The following CDH12 variants were observed in gnomAD, a reference collection of about 807,000 sequenced individuals.
CDH12 encodes the protein cadherin-12.
CDH12 carries 41 observed loss-of-function variants against 74.1 expected under a neutral mutation model. The ratio of observed to expected loss-of-function variants is 0.55; its 90% CI spans 0.43 to 0.72. CDH12 has a LOEUF of 0.72. Ranked by LOEUF, CDH12 falls within the 30% of genes least tolerant of loss-of-function variation. The pLI is 0.00. For synonymous variants in CDH12, 399 were observed against 355.0 expected, an observed-to-expected ratio of 1.12 and a Z score of -1.39; for missense variants, 945 against 977.2, an observed-to-expected ratio of 0.97 and a Z score of 0.44.
At chr5:22,158,233 C>G (rs1223191133) in intron 4 of CDH12, among the ~76,000 whole-genome samples, 5 of 152,046 alleles carry the variant, frequency 3.3e-5, no homozygotes, top group African/African-American at 1.2e-4. Flanking sequence ...ACCCTGGCCT[C>G]AGTAGCCCAC....
intron 6 of CDH12, among the ~76,000 whole-genome samples, chr5:21,934,681 C>A (rs976002858): frequency 6.6e-6 from 1 of 152,184 alleles, no homozygotes; most frequent in African/African-American, 2.4e-5. Flanking sequence ...CATAAGGAAG[C>A]ACTAGAAACT....
intron 1 of CDH12, among the ~76,000 whole-genome samples, chr5:22,684,247 T>C (rs1293253484): frequency 6.6e-6 from 1 of 152,212 alleles, no homozygotes; most frequent in Non-Finnish European, 1.5e-5. Flanking sequence ...CAATGCACAG[T>C]TATCACATCA....
rs1449036124 is a variant in CDH12, at chr5:21,947,905, C to A, written c.526+27186G>T. On this transcript the variant is annotated intron_variant, in intron 6 of 14. Transcript: ENST00000382254. ...TGTGTCCCAGCTGCTGCTACTCCAGCTCCAGCCGTGGCTAAAAGGAGACAA... is the reference window on the plus strand; with the variant it reads ...TGTGTCCCAGCTGCTGCTACTCCAGATCCAGCCGTGGCTAAAAGGAGACAA... Among the ~76,000 whole-genome samples the A allele has an allele frequency of 2.6e-5, 4 of 152,336 alleles. No homozygotes were observed. The East Asian group carries it at 7.7e-4, about 29-fold the overall frequency.
chr5:22,203,828 C>T (rs938530396), intron 4 of CDH12, among the ~76,000 whole-genome samples: 2 of 152,158 alleles, frequency 1.3e-5, no homozygotes, highest in Non-Finnish European at 2.9e-5. Context: ...TTGTAATTTA[C>T]ATTACCCTGA....
chr5:22,253,887 T>C (rs1286189332), intron 3 of CDH12, among the ~76,000 whole-genome samples: 1 of 152,010 alleles, frequency 6.6e-6, no homozygotes, highest in African/African-American at 2.4e-5. Context: ...TATTTTAAAG[T>C]AGTTTAAAGT....
intron 3 of CDH12, among the ~76,000 whole-genome samples, chr5:22,275,962 G>T (rs1369119387): frequency 6.6e-6 from 1 of 152,050 alleles, no homozygotes; most frequent in Non-Finnish European, 1.5e-5. Context: ...GAAATATGGA[G>T]AACTATTAAA....
At chr5:22,438,802 T>C (rs1468406576) in intron 2 of CDH12, among the ~76,000 whole-genome samples, 1 of 151,920 alleles carries the variant, frequency 6.6e-6, no homozygotes, top group Non-Finnish European at 1.5e-5. Context: ...CTATAATACC[T>C]ACTTTGGTTT....
In CDH12 at chr5:21,817,088, C is replaced by T; in HGVS notation, c.859G>A (p.Ala287Thr). 6.2e-7 allele frequency: 1 copy of T among 1,612,320 alleles called. No homozygotes were observed. The change falls in exon 9 of 15, where the codon GCT (alanine) becomes ACT (threonine). Residue 287 changes from alanine to threonine, a missense_variant. By Grantham distance (58) the Ala-to-Thr change is moderately conservative. Transcript: ENST00000382254. ...KVPESSPIGS[A>T]IGRIRAVDPD... Reference sequence around the variant, plus strand: ...TCCACAGCTCTTATTCTTCCAATAGCTGAACCAATAGGGGAAGACTCAGGA... The same window carrying T: ...TCCACAGCTCTTATTCTTCCAATAGTTGAACCAATAGGGGAAGACTCAGGA...
chr5:22,455,149 A>G (rs1434717473), intron 2 of CDH12, among the ~76,000 whole-genome samples: 1 of 152,216 alleles, frequency 6.6e-6, no homozygotes. Context: ...TGTGAATGAA[A>G]CATTATTGGC....
chr5:21,838,948 T>C (rs1749689815), intron 8 of CDH12, among the ~76,000 whole-genome samples: 1 of 152,218 alleles, frequency 6.6e-6, no homozygotes, highest in Non-Finnish European at 1.5e-5. Flanking sequence ...ATCCTCACTA[T>C]CACCCATGTG....
intron 1 of CDH12, among the ~76,000 whole-genome samples, chr5:22,568,199 G>T (rs1348811570): frequency 6.6e-6 from 1 of 152,140 alleles, no homozygotes; most frequent in Non-Finnish European, 1.5e-5. Context: ...ACACTAATGG[G>T]AGTATAATGC....
intron 6 of CDH12, among the ~76,000 whole-genome samples, chr5:21,855,527 A>G (rs372817739): frequency 1.3e-5 from 2 of 151,240 alleles, no homozygotes; most frequent in African/African-American, 4.8e-5. Context: ...TTTTAAAGTG[A>G]GTATCTCTTC....
intron 5 of CDH12, among the ~76,000 whole-genome samples, chr5:22,032,336 G>T (rs1416606581): frequency 6.6e-6 from 1 of 152,100 alleles, no homozygotes; most frequent in African/African-American, 2.4e-5. Flanking sequence ...TATATTAAGT[G>T]TAGGCGATTC....
chr5:22,782,737 G>T (rs1747445850), intron 1 of CDH12, among the ~76,000 whole-genome samples: 1 of 152,084 alleles, frequency 6.6e-6, no homozygotes, highest in Admixed American at 6.6e-5. Flanking sequence ...ATTATCATTT[G>T]TCTGCTTGTT....
At chr5:22,752,737 A>G (rs1745657752) in intron 1 of CDH12, among the ~76,000 whole-genome samples, 1 of 145,742 alleles carries the variant, frequency 6.9e-6, no homozygotes, top group South Asian at 2.2e-4. Flanking sequence ...ACGCCCGGCT[A>G]ATTTTTTGTA....
intron 4 of CDH12, among the ~76,000 whole-genome samples, chr5:22,199,754 G>A (rs959202009): frequency 1.3e-5 from 2 of 152,018 alleles, no homozygotes; most frequent in Non-Finnish European, 1.5e-5. Flanking sequence ...TTTCTATTAT[G>A]TTCCCCCTTG....
At chr5:22,008,617 A>C (rs1018736047) in intron 5 of CDH12, among the ~76,000 whole-genome samples, 1 of 152,122 alleles carries the variant, frequency 6.6e-6, no homozygotes, top group Non-Finnish European at 1.5e-5. Flanking sequence ...TTTTATCTAT[A>C]AATTTGCTCA....
chr5:22,454,972 GC>G lies in CDH12; in HGVS notation c.-427-49622del, dbSNP rs142673895. Among the ~76,000 whole-genome samples, 1,195 of 152,286 alleles carry G rather than the reference GC, an allele frequency of 7.8e-3. 14 individuals are homozygous for G. Among genetic ancestry groups the G allele is most frequent in the African/African-American group, 0.027 (1,135 of 41,548 alleles). ...GGAAGATGCTTGGCAGGTTCAAAGA[GC>G]TCATTAGAAGCCATGTGAAGGAATG... On this transcript the variant is annotated intron_variant, in intron 2 of 14. Coordinates refer to ENST00000382254, the MANE Select transcript of CDH12 (RefSeq NM_004061.5).
At chr5:22,485,723 T>C (rs1746564815) in intron 2 of CDH12, among the ~76,000 whole-genome samples, 1 of 152,142 alleles carries the variant, frequency 6.6e-6, no homozygotes, top group South Asian at 2.1e-4. Flanking sequence ...ACAAAACAGG[T>C]ACAGCATGGA....
Sources: allele counts gnomAD v4.1 joint callset (sites outside exome capture counted in the v4.1 genomes callset), GRCh38; gene constraint gnomAD v4.1.1; transcripts MANE v1.5; gene names NCBI Gene and HGNC (gene_info 2026-07-23, HGNC 2026-07-21).